The following RAI14 variants were observed in gnomAD, a reference collection of about 807,000 sequenced individuals.
RAI14 encodes the protein retinoic acid induced 14.
RAI14 carries 45 observed loss-of-function variants against 115.4 expected under a neutral mutation model. The ratio of observed to expected loss-of-function variants is 0.39; its 90% confidence interval spans 0.31 to 0.50. The LOEUF (loss-of-function observed/expected upper bound fraction) is 0.50. Ranked by LOEUF, RAI14 falls within the 20% of genes least tolerant of loss-of-function variation. The probability of loss-of-function intolerance (pLI) is 0.85; values close to 1 mark genes in which losing one functional copy is unlikely to be tolerated. For missense variants in RAI14, 939 were observed against 1,131.2 expected, an observed-to-expected ratio of 0.83 and a Z score of 2.44; for synonymous variants, 371 against 415.4, an observed-to-expected ratio of 0.89 and a Z score of 1.30.
At chr5:34,829,140 T>G (rs62355747) in intron 16 of RAI14, among the ~76,000 whole-genome samples, 1 of 150,986 alleles carries the variant, frequency 6.6e-6, no homozygotes, top group Non-Finnish European at 1.5e-5. Context: ...TATACATATA[T>G]ACACACATAT....
intron 3 of RAI14, among the ~76,000 whole-genome samples, chr5:34,793,415 GA>G (rs1257849962): frequency 6.6e-6 from 1 of 152,116 alleles, no homozygotes; most frequent in East Asian, 1.9e-4. Context: ...CCTCAGAGTA[GA>G]AAAAAATAAA....
chr5:34,698,433 G>C (rs530390021), intron 2 of RAI14, among the ~76,000 whole-genome samples: 10 of 151,878 alleles, frequency 6.6e-5, no homozygotes, highest in Admixed American at 6.6e-4. Flanking sequence ...GTCTCAAAAC[G>C]TCCCATCTAG....
In RAI14 at chr5:34,811,811, T is replaced by C; in HGVS notation, c.602T>C (p.Val201Ala). 6.2e-7 allele frequency: 1 copy of C among 1,613,636 alleles called. No individual in the cohort carries two copies. The highest frequency in any genetic ancestry group is 8.5e-7 in the Non-Finnish European group (1 of 1,179,888). ...LACEIGSSNA[V>A]EALIKKGADL... ...TGTGAGATTGGCAGCTCTAACGCTG[T>C]GGAAGCCTTAATTAAAAAGGGTGCA... The change falls in exon 9 of 18, where the codon GTG becomes GCG. Residue 201 changes from valine to alanine, a missense_variant. By Grantham distance (64) the Val-to-Ala change is moderately conservative. Transcript: ENST00000265109.
intron 2 of RAI14, among the ~76,000 whole-genome samples, chr5:34,736,269 C>T (rs1249971676): frequency 2.0e-5 from 3 of 152,134 alleles, no homozygotes; most frequent in Non-Finnish European, 2.9e-5. Context: ...GGCATGGTGG[C>T]GTGTGCCTGT....
In RAI14 at chr5:34,821,668, G is replaced by T. The variant is rs1756844211; in HGVS notation, c.995-64G>T. ...CTGGATTAGGCTAGGAAGTGAATTT[G>T]TCTCAGGTTAGAGAAATAAGAGTTT... On this transcript the variant is annotated intron_variant, in intron 13 of 17. Coordinates refer to ENST00000265109, the MANE Select transcript of RAI14 (RefSeq NM_015577.3). The T allele has an allele frequency of 7.1e-6, 7 of 984,694 alleles. No homozygotes were observed. The Admixed American group carries it at 9.1e-5, about 13-fold the overall frequency. The allele number at this position is 984,694 out of a possible 1,614,324, so 61.0% of individuals were successfully genotyped here.
intron 4 of RAI14, among the ~76,000 whole-genome samples, chr5:34,800,144 T>A (rs1754092331): frequency 6.6e-6 from 1 of 152,194 alleles, no homozygotes; most frequent in South Asian, 2.1e-4. Context: ...TTTAGATTGA[T>A]ACTACTTAAT....
intron 2 of RAI14, among the ~76,000 whole-genome samples, chr5:34,712,149 T>A (rs905045874): frequency 1.3e-5 from 2 of 152,178 alleles, no homozygotes; most frequent in Non-Finnish European, 2.9e-5. Context: ...TTATATGGGG[T>A]TTCCTTTTAT....
chr5:34,784,199 A>C (rs2150170955), intron 3 of RAI14, among the ~76,000 whole-genome samples: 1 of 152,368 alleles, frequency 6.6e-6, no homozygotes, highest in South Asian at 2.1e-4. Flanking sequence ...TATTAAAAGC[A>C]GTCAATACCT....
chr5:34,739,717 A>G (rs768882089), intron 2 of RAI14, among the ~76,000 whole-genome samples: 1 of 152,034 alleles, frequency 6.6e-6, no homozygotes, highest in Non-Finnish European at 1.5e-5. Flanking sequence ...TTTATTCATC[A>G]CTAGCCTTGT....
In RAI14 at chr5:34,754,729, G is replaced by T. The variant is rs550657506; in HGVS notation, c.37-2739G>T. Among the ~76,000 whole-genome samples the T allele has an allele frequency of 2.0e-5, 3 of 152,304 alleles. No individual in the cohort carries two copies. The South Asian group carries it at 6.2e-4, about 32-fold the overall frequency. On this transcript the variant is annotated intron_variant, in intron 2 of 17. Transcript: ENST00000265109. ...AGAAGAGAGGCATTTCAGACCACTA[G>T]GAATGTTGCATTGACCTTGTCTTCC...
intron 1 of RAI14, among the ~76,000 whole-genome samples, chr5:34,674,842 G>A (rs256292): frequency 0.67 from 100,805 of 151,242 alleles, 35,633 homozygotes; most frequent in South Asian, 0.91. Context: ...GCCCATCTCG[G>A]GCTTCCAAAG....
chr5:34,725,347 A>G (rs1481608618), intron 2 of RAI14, among the ~76,000 whole-genome samples: 1 of 151,942 alleles, frequency 6.6e-6, no homozygotes, highest in Non-Finnish European at 1.5e-5. Flanking sequence ...GTGAAGCTAG[A>G]AAAAAAAGAA....
chr5:34,795,956 C>T lies in RAI14; in HGVS notation c.185C>T (p.Ala62Val). ...CTTTCCAGTTTCCATCTTGCTGCTG[C>T]AAAAGGACACGTGGAATGCCTCAGG... ...EGKTAFHLAA[A>V]KGHVECLRVM... Residue 62 changes from alanine to valine, a missense_variant, in exon 4 of 18, where the codon GCA becomes GTA. By Grantham distance (64) the Ala-to-Val change is moderately conservative (BLOSUM62 0). Transcript: ENST00000265109. 3 of 1,612,926 alleles carry T rather than the reference C, an allele frequency of 1.9e-6. No individual in the cohort carries two copies. Among genetic ancestry groups the T allele is most frequent in the Non-Finnish European group, 2.5e-6 (3 of 1,179,146 alleles).
At chr5:34,770,121 C>T (rs1426729669) in intron 3 of RAI14, among the ~76,000 whole-genome samples, 1 of 152,192 alleles carries the variant, frequency 6.6e-6, no homozygotes, top group Non-Finnish European at 1.5e-5. Context: ...CAGGGCTTCT[C>T]CCCTGGCGTC....
At chr5:34,793,228 C>T (rs1753133615) in intron 3 of RAI14, among the ~76,000 whole-genome samples, 1 of 152,180 alleles carries the variant, frequency 6.6e-6, no homozygotes, top group Admixed American at 6.5e-5. Context: ...CGTGGGCCTT[C>T]CAAGTGATGA....
chr5:34,754,519 C>T (rs369923793), intron 2 of RAI14, among the ~76,000 whole-genome samples: 169 of 146,904 alleles, frequency 1.2e-3, no homozygotes, highest in African/African-American at 3.8e-3. Flanking sequence ...TGAGCTACCA[C>T]GCCCAGGCTC....
intron 3 of RAI14, among the ~76,000 whole-genome samples, chr5:34,771,995 A>G (rs1750224883): frequency 6.6e-6 from 1 of 151,318 alleles, no homozygotes; most frequent in Non-Finnish European, 1.5e-5. Context: ...CAACCTCTCA[A>G]CCTCCTAGGC....
Position 34,730,841 on chromosome 5 carries a change from G to A in RAI14, c.37-26627G>A, listed in dbSNP as rs549747903. Among the ~76,000 whole-genome samples, 4 of 152,170 alleles carry A rather than the reference G, an allele frequency of 2.6e-5. No individual in the cohort carries two copies. In the South Asian group the frequency reaches 8.3e-4, roughly 32 times the overall value. Reference sequence around the variant, plus strand: ...CTACTAAAAATACAAAAATTAGCTGGGCGTGGTGGTGGGCGCCTGTAATCC... The same window carrying A: ...CTACTAAAAATACAAAAATTAGCTGAGCGTGGTGGTGGGCGCCTGTAATCC... On this transcript the variant is annotated intron_variant, in intron 2 of 17. Transcript: ENST00000265109.
At chr5:34,657,044 C>G (rs1742325656) in intron 1 of RAI14, 1 of 152,194 alleles carries the variant, frequency 6.6e-6, no homozygotes, top group Admixed American at 6.5e-5. Flanking sequence ...CTCCAGGGAG[C>G]CCCTCGGCCG....
Sources: gnomAD v4.1 joint callset for allele counts (sites outside exome capture counted in the v4.1 genomes callset) on GRCh38, gnomAD v4.1.1 for gene constraint, MANE v1.5 for transcripts, NCBI Gene and HGNC (gene_info 2026-07-23, HGNC 2026-07-21) for gene names.